The following MGAM variants were observed in gnomAD, a reference collection of about 807,000 sequenced individuals.
MGAM encodes the protein maltase-glucoamylase.
In MGAM, 253 loss-of-function variants were observed where a neutral mutation model predicts 358.8. The observed-to-expected ratio is 0.71, with a 90% confidence interval of 0.64 to 0.78. The LOEUF is 0.78. Ranked by LOEUF, MGAM falls within the 30% of genes least tolerant of loss-of-function variation. The pLI is 0.00. For missense variants in MGAM, 3,080 were observed against 3,432.6 expected (o/e 0.90, Z 2.57); for synonymous variants, 1,105 against 1,227.1 (o/e 0.90, Z 2.08).
At chr7:142,099,043 G>T (rs966678560) in intron 66 of MGAM, among the ~76,000 whole-genome samples, 1 of 152,246 alleles carries the variant, frequency 6.6e-6, no homozygotes, top group East Asian at 1.9e-4. Context: ...ATATTTGTTC[G>T]CTTGTTGTCA....
At position 142,027,145 on chromosome 7, in the gene MGAM, C is replaced by T. The variant is rs1359191634; in HGVS notation, c.1013C>T (p.Thr338Ile). The change falls in exon 9 of 71, where the codon ACT becomes ATT. Residue 338 changes from threonine to isoleucine, a missense_variant. Around this residue, in one of 5 missense-constraint regions of MGAM, gnomAD observed 1,816 missense variants for 1,840.5 expected, o/e 0.99. Coordinates refer to ENST00000475668, the MANE Select transcript of MGAM (RefSeq NM_001365693.1). ...GTCCTTCAGCCTGCGCCAGCCATCA[C>T]TTACCGCACCATTGGGGGCATTCTC... Reference protein sequence around the residue: ...EVVLQPAPAITYRTIGGILDF... With the variant: ...EVVLQPAPAIIYRTIGGILDF... 5.6e-6 allele frequency: 9 copies of T among 1,613,614 alleles called. No individual in the cohort carries two copies. The highest frequency in any genetic ancestry group is 2.7e-5 in the African/African-American group (2 of 74,926).
At chr7:142,052,220 GA>G (rs369156723) in intron 24 of MGAM, 73 bp from the exon 25 acceptor site, 42,410 of 1,196,634 alleles carry the variant, frequency 0.035, 1,006 homozygotes, top group African/African-American at 0.11. Flanking sequence ...TTTTTTTATC[GA>G]AAAAAAAACC....
rs756605409 is a variant in MGAM, at chr7:142,082,014, G to C, written c.6003-28G>C. 4 of 1,549,358 alleles carry C rather than the reference G, an allele frequency of 2.6e-6. 1 individual carries two copies. The highest frequency in any genetic ancestry group is 2.7e-5 in the African/African-American group (2 of 74,634). ...AAGCAGAGAGAAAAGCCCATTTTCT[G>C]TTTCAAATCTGCCTTTTTGTGTTTC... On this transcript the variant is annotated intron_variant, in intron 50 of 70. Coordinates refer to ENST00000475668, the MANE Select transcript of MGAM (RefSeq NM_001365693.1).
chr7:142,010,507 C>T (rs1315480661), intron 3 of MGAM, among the ~76,000 whole-genome samples: 7 of 152,026 alleles, frequency 4.6e-5, no homozygotes, highest in Non-Finnish European at 8.8e-5. Context: ...TTTTCCTTAA[C>T]AATAATTTCC....
At chr7:142,056,350 C>T (rs572858566) in intron 29 of MGAM, among the ~76,000 whole-genome samples, 13 of 152,114 alleles carry the variant, frequency 8.5e-5, no homozygotes, top group Non-Finnish European at 1.6e-4. Flanking sequence ...CCCAAATATC[C>T]TGGAGGGCAG....
intron 42 of MGAM, among the ~76,000 whole-genome samples, chr7:142,067,937 T>TATATATATATATATATATATATAA (rs1563190751): frequency 5.3e-4 from 18 of 34,006 alleles, no homozygotes; most frequent in East Asian, 2.4e-3. Context: ...CTCCCTCAAA[T>TATATATATATATATATATATATAA]ATATATATAT....
intron 18 of MGAM, among the ~76,000 whole-genome samples, chr7:142,037,723 G>T (rs1808116536): frequency 6.6e-6 from 1 of 152,128 alleles, no homozygotes; most frequent in Admixed American, 6.6e-5. Flanking sequence ...GTCAGCTGAA[G>T]TTATGAAATG....
intron 17 of MGAM, 90 bp from the exon 18 acceptor site, chr7:142,036,733 C>A: frequency 1.4e-6 from 2 of 1,388,538 alleles, no homozygotes; most frequent in Non-Finnish European, 2.0e-6. Context: ...GAGGGAAATT[C>A]TTGGTTGTAA....
intron 4 of MGAM, 62 bp from the exon 5 acceptor site, chr7:142,020,912 G>A (rs1806388910): frequency 1.7e-6 from 2 of 1,156,920 alleles, no homozygotes; most frequent in South Asian, 1.3e-5. Flanking sequence ...TAATTTTTAT[G>A]TAGCTATTAT....
chr7:142,041,978 A>ATG (rs1268907934), intron 21 of MGAM, among the ~76,000 whole-genome samples: 1 of 24,674 alleles, frequency 4.1e-5, no homozygotes, highest in African/African-American at 1.4e-4. Flanking sequence ...TATTATATAT[A>ATG]TATAATATAA....
chr7:142,031,592 C>T, intron 12 of MGAM, 88 bp from the exon 13 acceptor site: 1 of 871,598 alleles, frequency 1.1e-6, no homozygotes, highest in Non-Finnish European at 1.8e-6. Flanking sequence ...TTGCTGTGAT[C>T]ATATTAGGAA....
Position 142,021,675 on chromosome 7 carries a change from A to G in MGAM, c.648A>G (p.Gln216=). The part of the protein sequence containing the change: ...SGNAAASLTY[Q]VEISRQPFSI... The stretch of plus-strand genomic sequence containing the variant: ...ATGCTGCTGCTTCTTTGACCTACCA[A>G]GTTGAAATCTCCAGACAGCCATTTA... The change falls in exon 6 of 71, where the codon CAA becomes CAG. Residue 216 remains glutamine, a synonymous_variant. Coordinates refer to ENST00000475668, the MANE Select transcript of MGAM (RefSeq NM_001365693.1). The G allele has an allele frequency of 6.2e-7, 1 of 1,613,974 alleles. No individual in the cohort carries two copies.
At chr7:141,989,206 G>T (rs560326166) in intron 2 of MGAM, among the ~76,000 whole-genome samples, 58 of 152,198 alleles carry the variant, frequency 3.8e-4, no homozygotes, top group Non-Finnish European at 6.9e-4. Flanking sequence ...AATCAGTTCA[G>T]TGTGGGATGT....
At chr7:142,011,452 C>T (rs905531689) in intron 3 of MGAM, among the ~76,000 whole-genome samples, 1 of 151,980 alleles carries the variant, frequency 6.6e-6, no homozygotes, top group African/African-American at 2.4e-5. Context: ...AGCAGTGAGC[C>T]CAGATAAAAA....
At chr7:142,023,896 A>C (rs1238581088) in intron 7 of MGAM, among the ~76,000 whole-genome samples, 2 of 152,122 alleles carry the variant, frequency 1.3e-5, no homozygotes, top group African/African-American at 4.8e-5. Flanking sequence ...CCACCCTCTG[A>C]GAGAGGTGGG....
Position 142,050,851 on chromosome 7 carries a change from A to G in MGAM, c.2792A>G (p.Asp931Gly). 8.7e-6 allele frequency: 14 copies of G among 1,613,670 alleles called. No homozygotes were observed. Among genetic ancestry groups the G allele is most frequent in the Non-Finnish European group, 1.2e-5 (14 of 1,179,618 alleles). Residue 931 changes from aspartate (D) to glycine (G), a missense_variant, in exon 24 of 71, where the codon GAT becomes GGT. Physicochemically the swap from Asp to Gly is moderately conservative, Grantham distance 94. This residue lies in a region of MGAM where 1,816 missense variants were observed against 1,840.5 expected (regional missense o/e 0.99). Coordinates refer to ENST00000475668, the MANE Select transcript of MGAM (RefSeq NM_001365693.1). ...CAGACTTCTCCTACAGTCACTTATG[A>G]TTCTAACCTGAAGGTAAAAACCCAT... ...PSQTSPTVTY[D>G]SNLKVAIITD... is the part of the protein sequence containing the mutation.
intron 35 of MGAM, 118 bp downstream of exon 35, chr7:142,062,820 A>G (rs2129041625): frequency 3.3e-6 from 5 of 1,511,926 alleles, no homozygotes; most frequent in Non-Finnish European, 4.4e-6. Context: ...GACTTTGGAC[A>G]TAGCAGACAC....
At chr7:142,067,958 AT>A (rs1812944763) in intron 42 of MGAM, among the ~76,000 whole-genome samples, 2 of 29,504 alleles carry the variant, frequency 6.8e-5, no homozygotes, top group African/African-American at 1.6e-4. Context: ...ATATATATAT[AT>A]ATATAAATAT....
chr7:142,055,993 T>A lies in MGAM; in HGVS notation c.3484-7T>A, dbSNP rs753426876. 3 of 1,606,966 alleles carry A rather than the reference T, an allele frequency of 1.9e-6. No individual in the cohort carries two copies. In the Admixed American group the frequency reaches 5.1e-5, roughly 27 times the overall value. ...AACTCCTACTGCTTCTTCCCATGAC[T>A]CCCCAGTACAAGAAGAATTCCTATG... On this transcript the variant is annotated splice_polypyrimidine_tract_variant and splice_region_variant and intron_variant, in intron 28 of 70. Transcript: ENST00000475668.
Sources: allele counts gnomAD v4.1 joint callset (sites outside exome capture counted in the v4.1 genomes callset), GRCh38; gene constraint gnomAD v4.1.1; regional missense constraint gnomAD v4.1.1; transcripts MANE v1.5; gene names NCBI Gene and HGNC (gene_info 2026-07-23, HGNC 2026-07-21).